PIK3C2G: variants seen among roughly 807,000 people sequenced by gnomAD.
PIK3C2G encodes the protein phosphatidylinositol-4-phosphate 3-kinase catalytic subunit type 2 gamma.
In PIK3C2G, 168 loss-of-function variants were observed where a neutral mutation model predicts 181.1. That is an observed-to-expected ratio of 0.93 (90% CI 0.82 to 1.05). The LOEUF is 1.05. PIK3C2G is among the 50% of genes least tolerant of loss of function. The probability of loss-of-function intolerance (pLI) is 0.00; values close to 1 mark genes in which losing one functional copy is unlikely to be tolerated. For synonymous variants in PIK3C2G, 573 were observed against 592.2 expected (o/e 0.97, Z 0.47); for missense variants, 1,869 against 1,732.8 (o/e 1.08, Z -1.40).
At chr12:18,592,327 G>T (rs1947126887) in intron 29 of PIK3C2G, among the ~76,000 whole-genome samples, 1 of 151,820 alleles carries the variant, frequency 6.6e-6, no homozygotes, top group Non-Finnish European at 1.5e-5. Context: ...AAAAGTCTCA[G>T]AAGTGATGGC....
chr12:18,367,777 C>G (rs1003591805), intron 12 of PIK3C2G, among the ~76,000 whole-genome samples: 3 of 151,810 alleles, frequency 2.0e-5, no homozygotes, highest in Non-Finnish European at 2.9e-5. Flanking sequence ...AGGCTGGTCT[C>G]GAACTCCTGA....
chr12:18,620,053 GT>G (rs1565569844), intron 31 of PIK3C2G, among the ~76,000 whole-genome samples: 1 of 151,966 alleles, frequency 6.6e-6, no homozygotes, highest in African/African-American at 2.4e-5. Flanking sequence ...ATTGAAACTT[GT>G]TTTATGTCCC....
intron 31 of PIK3C2G, among the ~76,000 whole-genome samples, chr12:18,632,910 T>C (rs1415217499): frequency 1.3e-5 from 2 of 152,184 alleles, no homozygotes; most frequent in Admixed American, 1.3e-4. Flanking sequence ...ACCTGATATC[T>C]GAAATAATAT....
In PIK3C2G at chr12:18,421,150, G is replaced by A. The variant is rs531026281; in HGVS notation, c.2409+116G>A. ...GTGACATTGCAATTTGGCCACCCAA[G>A]GGACTAAATGATGTCAACATGGGTA... is the stretch of plus-strand genomic sequence containing the variant. On this transcript the variant is annotated intron_variant, in intron 17 of 32. Coordinates refer to ENST00000538779, the MANE Select transcript of PIK3C2G (RefSeq NM_001288772.2). 7.8e-4 allele frequency: 390 copies of A among 501,992 alleles called. 5 individuals carry two copies. Among genetic ancestry groups the A allele is most frequent in the Middle Eastern group, 6.3e-3 (20 of 3,198 alleles). The allele number at this position is 501,992 out of a possible 1,614,324, so 31.1% of individuals were successfully genotyped here.
chr12:18,257,670 AAG>A (rs1398979997), upstream of PIK3C2G, among the ~76,000 whole-genome samples: 1 of 151,640 alleles, frequency 6.6e-6, no homozygotes, highest in African/African-American at 2.4e-5. Flanking sequence ...GAAAGAAAGA[AAG>A]AGAGAAAGAA....
At chr12:18,419,931 CTT>C (rs1945384860) in intron 16 of PIK3C2G, among the ~76,000 whole-genome samples, 2 of 152,110 alleles carry the variant, frequency 1.3e-5, no homozygotes, top group Admixed American at 6.6e-5. Context: ...CCATTAAAGA[CTT>C]TACAGTTTTC....
At chr12:18,486,226 C>A (rs1334883576) in intron 18 of PIK3C2G, among the ~76,000 whole-genome samples, 1 of 152,058 alleles carries the variant, frequency 6.6e-6, no homozygotes, top group Non-Finnish European at 1.5e-5. Flanking sequence ...GTAATCTTGG[C>A]AGGGATGCAG....
At chr12:18,633,673 A>G (rs943282180) in intron 31 of PIK3C2G, among the ~76,000 whole-genome samples, 1 of 152,128 alleles carries the variant, frequency 6.6e-6, no homozygotes, top group Non-Finnish European at 1.5e-5. Flanking sequence ...TAGTCGTCCA[A>G]TTTGCCCTTG....
chr12:18,360,474 T>C (rs1399016573), intron 11 of PIK3C2G, among the ~76,000 whole-genome samples: 1 of 152,218 alleles, frequency 6.6e-6, no homozygotes, highest in Non-Finnish European at 1.5e-5. Context: ...TTTATAGTTT[T>C]ACATGCTTTT....
intron 1 of PIK3C2G, among the ~76,000 whole-genome samples, chr12:18,255,779 G>T (rs1015276426): frequency 3.9e-5 from 6 of 152,178 alleles, no homozygotes; most frequent in African/African-American, 1.4e-4. Flanking sequence ...GGAACAACTT[G>T]CAGTCAATTA....
intron 15 of PIK3C2G, among the ~76,000 whole-genome samples, chr12:18,394,535 C>T (rs1943739401): frequency 6.6e-6 from 1 of 151,760 alleles, no homozygotes; most frequent in Non-Finnish European, 1.5e-5. Flanking sequence ...ATAATTATTC[C>T]AATACAGCTA....
At position 18,264,496 on chromosome 12, in the gene PIK3C2G, T is replaced by C. The variant is rs1215025478; in HGVS notation, c.-79+2919T>C. Among the ~76,000 whole-genome samples the C allele has an allele frequency of 4.6e-5, 7 of 152,194 alleles. No homozygotes were observed. The East Asian group carries it at 1.3e-3, about 29-fold the overall frequency. On this transcript the variant is annotated intron_variant, in intron 1 of 32. Coordinates refer to ENST00000538779, the MANE Select transcript of PIK3C2G (RefSeq NM_001288772.2). ...ATGAGAACACATTTTTACTTTGTTC[T>C]GCTTTTCAAAATGCTGTTTTGTTGA... is the stretch of plus-strand genomic sequence containing the variant.
intron 24 of PIK3C2G, among the ~76,000 whole-genome samples, chr12:18,534,885 G>A (rs550061916): frequency 7.3e-5 from 11 of 150,880 alleles, no homozygotes; most frequent in African/African-American, 2.7e-4. Flanking sequence ...ACTTTGGTAA[G>A]CAAAGGTAAA....
chr12:18,594,076 C>T (rs923958112), intron 29 of PIK3C2G, among the ~76,000 whole-genome samples: 1 of 151,836 alleles, frequency 6.6e-6, no homozygotes, highest in African/African-American at 2.4e-5. Context: ...TAGAATTGAA[C>T]CTTGAGTAGT....
At chr12:18,424,428 T>G (rs1453120857) in intron 18 of PIK3C2G, among the ~76,000 whole-genome samples, 1 of 152,208 alleles carries the variant, frequency 6.6e-6, no homozygotes, top group Non-Finnish European at 1.5e-5. Flanking sequence ...CAATATTAGT[T>G]ATAAACCATA....
chr12:18,700,482 T>A, the PIK3C2G span, among the ~76,000 whole-genome samples: 1 of 114,016 alleles, frequency 8.8e-6, no homozygotes, highest in Non-Finnish European at 1.7e-5. Context: ...GGTTCTGGGA[T>A]GTGCGCATAA....
Position 18,584,971 on chromosome 12 carries a change from T to A in PIK3C2G, c.4012-9523T>A, listed in dbSNP as rs115911292. 7.4e-3 allele frequency among the ~76,000 whole-genome samples: 1,124 copies of A among 152,162 alleles called. 10 individuals carry two copies. Among genetic ancestry groups the A allele is most frequent in the African/African-American group, 0.026 (1,060 of 41,516 alleles). ...CTTTCTCAGTGAAGGAGAAATAAGA[T>A]CCTTTTCAAATAAGCAAATGCTGAT... On this transcript the variant is annotated intron_variant, in intron 29 of 32. Transcript: ENST00000538779.
intron 29 of PIK3C2G, among the ~76,000 whole-genome samples, chr12:18,573,890 C>T (rs1207209916): frequency 6.6e-6 from 1 of 152,176 alleles, no homozygotes; most frequent in African/African-American, 2.4e-5. Context: ...CTGTTTGCTG[C>T]TACCCACCAG....
chr12:18,613,646 G>A (rs962192442), intron 31 of PIK3C2G, among the ~76,000 whole-genome samples: 1 of 151,992 alleles, frequency 6.6e-6, no homozygotes, highest in Non-Finnish European at 1.5e-5. Context: ...GCACAATACA[G>A]GCATCTCTTG....
Sources: allele counts gnomAD v4.1 joint callset (sites outside exome capture counted in the v4.1 genomes callset), GRCh38; gene constraint gnomAD v4.1.1; transcripts MANE v1.5; gene names NCBI Gene and HGNC (gene_info 2026-07-23, HGNC 2026-07-21).